EYS: variants seen among roughly 807,000 people sequenced by gnomAD.
EYS encodes protein eyes shut homolog.
In EYS, 250 loss-of-function variants were observed where a neutral mutation model predicts 282.1. That is an observed-to-expected ratio of 0.89 (90% CI 0.80 to 0.98). The LOEUF (loss-of-function observed/expected upper bound fraction) is 0.98, where lower values mean the gene tolerates loss of function less well. EYS is among the 50% of genes least tolerant of loss of function. The pLI is 0.00. For synonymous variants in EYS, 1,355 were observed against 1,282.9 expected, an observed-to-expected ratio of 1.06 and a Z score of -1.20; for missense variants, 4,016 against 3,709.0, an observed-to-expected ratio of 1.08 and a Z score of -2.15.
chr6:64,096,801 G>A (rs1225378654), intron 31 of EYS, among the ~76,000 whole-genome samples: 1 of 152,206 alleles, frequency 6.6e-6, no homozygotes, highest in Non-Finnish European at 1.5e-5. Context: ...GTGACGAGCT[G>A]CATTCCTTTG....
chr6:64,723,687 G>T (rs1479778939), intron 22 of EYS, among the ~76,000 whole-genome samples: 1 of 152,182 alleles, frequency 6.6e-6, no homozygotes, highest in African/African-American at 2.4e-5. Flanking sequence ...TGGTCCTGCA[G>T]AATGAATTGC....
chr6:64,097,139 G>A (rs528257951), intron 31 of EYS, among the ~76,000 whole-genome samples: 68 of 152,266 alleles, frequency 4.5e-4, no homozygotes, highest in Non-Finnish European at 2.2e-4. Context: ...GTACCCAGCC[G>A]TGTGAGATGT....
intron 1 of EYS, among the ~76,000 whole-genome samples, chr6:65,644,115 A>G (rs1767374809): frequency 6.6e-6 from 1 of 152,208 alleles, no homozygotes; most frequent in South Asian, 2.1e-4. Context: ...GTTGATTATT[A>G]AGCTCATCAA....
chr6:64,689,961 G>A (rs4587150), intron 22 of EYS, among the ~76,000 whole-genome samples: 102,304 of 151,876 alleles, frequency 0.67, 35,647 homozygotes, highest in Middle Eastern at 0.78. Flanking sequence ...GGCAACAGAA[G>A]CCAAAATTGA....
At chr6:64,225,067 C>T (rs903455314) in intron 31 of EYS, among the ~76,000 whole-genome samples, 2 of 152,000 alleles carry the variant, frequency 1.3e-5, no homozygotes, top group Non-Finnish European at 2.9e-5. Context: ...GGCACATGTC[C>T]AGTGCTGGGG....
intron 2 of EYS, among the ~76,000 whole-genome samples, chr6:65,504,788 TTTAC>T (rs1562227582): frequency 6.6e-6 from 1 of 151,634 alleles, no homozygotes; most frequent in Non-Finnish European, 1.5e-5. Flanking sequence ...TATTATTCTT[TTTAC>T]TTATTGTTGG....
At position 64,373,168 on chromosome 6, in the gene EYS, GT is replaced by G. The variant is rs201356310; in HGVS notation, c.6078+15521del. 8.2e-3 allele frequency among the ~76,000 whole-genome samples: 1,253 copies of G among 152,282 alleles called. 16 individuals carry two copies. Among genetic ancestry groups the G allele is most frequent in the African/African-American group, 0.028 (1,147 of 41,568 alleles). The stretch of plus-strand genomic sequence containing the variant: ...TTTGAGTTTCCAGAGTTATTGTGCT[GT>G]TTTTTCCTTATTTGTGGGGATTATG... On this transcript the variant is annotated intron_variant, in intron 29 of 42. Transcript: ENST00000503581.
intron 22 of EYS, among the ~76,000 whole-genome samples, chr6:64,778,580 GT>G (rs911027445): frequency 4.6e-5 from 7 of 151,730 alleles, no homozygotes; most frequent in African/African-American, 1.7e-4. Flanking sequence ...ACTAAAAAAT[GT>G]GGCTTGGTCA....
At chr6:64,811,387 C>A (rs973074404) in intron 22 of EYS, among the ~76,000 whole-genome samples, 1 of 150,602 alleles carries the variant, frequency 6.6e-6, no homozygotes, top group African/African-American at 2.4e-5. Flanking sequence ...AAGAAGCAGG[C>A]ATCTTCAGCC....
At chr6:65,693,590 C>T (rs912218114) in intron 1 of EYS, among the ~76,000 whole-genome samples, 3 of 149,368 alleles carry the variant, frequency 2.0e-5, no homozygotes, top group African/African-American at 7.3e-5. Context: ...GCAGAAGTCA[C>T]TAGTCTGATA....
In EYS at chr6:64,813,389, A is replaced by AGTAT; in HGVS notation, c.3428_3431dup (p.Phe1145TyrfsTer3). The AGTAT allele has an allele frequency of 6.5e-7, 1 of 1,542,364 alleles. No homozygotes were observed. Among genetic ancestry groups the AGTAT allele is most frequent in the Non-Finnish European group, 8.8e-7 (1 of 1,142,672 alleles). The stretch of plus-strand genomic sequence containing the variant: ...AAATAAATACTGACCTGCAGTCAAA[A>AGTAT]GTATGTCCAGGCCCATCAACACAGA... On this transcript the variant is annotated frameshift_variant, in exon 22 of 43. Coordinates refer to ENST00000503581, the MANE Select transcript of EYS (RefSeq NM_001142800.2). LOFTEE classifies it high-confidence loss of function.
At chr6:65,207,373 T>C (rs1766062700) in intron 12 of EYS, among the ~76,000 whole-genome samples, 1 of 146,694 alleles carries the variant, frequency 6.8e-6, no homozygotes, top group African/African-American at 2.5e-5. Context: ...AAAAAAAAAA[T>C]TGTAGATGAC....
At chr6:65,045,270 G>A (rs1243499590) in intron 13 of EYS, among the ~76,000 whole-genome samples, 2 of 151,834 alleles carry the variant, frequency 1.3e-5, no homozygotes, top group Non-Finnish European at 2.9e-5. Flanking sequence ...ATAGTGCAAT[G>A]TTTTCTAAAT....
At chr6:65,656,269 G>T (rs189297060) in intron 1 of EYS, among the ~76,000 whole-genome samples, 62 of 152,004 alleles carry the variant, frequency 4.1e-4, no homozygotes, top group Non-Finnish European at 7.7e-4. Flanking sequence ...GTGAAAGGAA[G>T]AGTAGCACAT....
chr6:65,234,192 C>T (rs556473871), intron 12 of EYS, among the ~76,000 whole-genome samples: 20 of 152,312 alleles, frequency 1.3e-4, no homozygotes, highest in African/African-American at 3.6e-4. Context: ...CTTTGTCATA[C>T]GGCCAGCCTC....
chr6:65,333,589 T>A (rs936440714), intron 11 of EYS, among the ~76,000 whole-genome samples: 1 of 151,688 alleles, frequency 6.6e-6, no homozygotes, highest in African/African-American at 2.4e-5. Flanking sequence ...TATATCTTAG[T>A]TGATTTATAG....
intron 12 of EYS, among the ~76,000 whole-genome samples, chr6:65,219,900 A>C (rs941983639): frequency 6.6e-6 from 1 of 152,164 alleles, no homozygotes; most frequent in Admixed American, 6.5e-5. Context: ...CCATGAGAAC[A>C]GTATGGGGAA....
chr6:65,550,728 C>T (rs1768585133), intron 2 of EYS, among the ~76,000 whole-genome samples: 1 of 5,750 alleles, frequency 1.7e-4, no homozygotes, highest in Non-Finnish European at 2.6e-4. Context: ...TTTCTTAATC[C>T]AGTCTATCAT....
chr6:64,903,636 C>T (rs777869681), intron 16 of EYS, among the ~76,000 whole-genome samples: 1 of 152,142 alleles, frequency 6.6e-6, no homozygotes, highest in Non-Finnish European at 1.5e-5. Context: ...TTCTTGGTCT[C>T]TATGTCTATA....
Sources: gnomAD v4.1 joint callset for allele counts (sites outside exome capture counted in the v4.1 genomes callset) on GRCh38, gnomAD v4.1.1 for gene constraint, MANE v1.5 for transcripts, NCBI Gene and HGNC (gene_info 2026-07-23, HGNC 2026-07-21) for gene names.